The following MAGI2 variants were observed in gnomAD, a reference collection of about 807,000 sequenced individuals.
MAGI2 encodes the protein membrane associated guanylate kinase, WW and PDZ domain containing 2, also known as membrane-associated guanylate kinase, WW and PDZ domain-containing protein 2.
In MAGI2, 35 loss-of-function variants were observed where a neutral mutation model predicts 133.3. That is an observed-to-expected ratio of 0.26 (90% CI 0.20 to 0.35). MAGI2 has a LOEUF of 0.35. Ranked by LOEUF, MAGI2 falls within the 10% of genes least tolerant of loss-of-function variation. The pLI is 1.00. For synonymous variants in MAGI2, 729 were observed against 710.6 expected (o/e 1.03, Z -0.41); for missense variants, 1,636 against 1,863.4 (o/e 0.88, Z 2.25).
chr7:78,308,650 T>G (rs776413921), intron 9 of MAGI2, among the ~76,000 whole-genome samples: 3 of 152,074 alleles, frequency 2.0e-5, no homozygotes, highest in Non-Finnish European at 2.9e-5. Flanking sequence ...GGTGTTCCAT[T>G]ACTATATTCA....
rs188022486 is a variant in MAGI2, at chr7:79,032,287, C to T, written c.302-25081G>A. On this transcript the variant is annotated intron_variant, in intron 1 of 21. Coordinates refer to ENST00000354212, the MANE Select transcript of MAGI2 (RefSeq NM_012301.4). ...ATCCCAGAACTTTGGAAGGCCAAGG[C>T]GGGCAGATCATTTGAGGTCAGGAGT... is the stretch of plus-strand genomic sequence containing the variant. 4.6e-5 allele frequency among the ~76,000 whole-genome samples: 7 copies of T among 152,148 alleles called. No individual in the cohort carries two copies. In the East Asian group the frequency reaches 5.8e-4, roughly 13 times the overall value.
intron 2 of MAGI2, among the ~76,000 whole-genome samples, chr7:78,649,985 T>C (rs1811372147): frequency 1.3e-5 from 2 of 152,176 alleles, no homozygotes; most frequent in Non-Finnish European, 1.5e-5. Context: ...TAAGCAGGCC[T>C]GGGTATGGCC....
chr7:79,376,595 G>A (rs867275743), intron 1 of MAGI2, among the ~76,000 whole-genome samples: 47 of 151,822 alleles, frequency 3.1e-4, no homozygotes, highest in African/African-American at 6.0e-4. Flanking sequence ...GGTGGGTAGC[G>A]TCTACAATGT....
chr7:78,162,586 G>A (rs1825177362), intron 15 of MAGI2, among the ~76,000 whole-genome samples: 1 of 151,880 alleles, frequency 6.6e-6, no homozygotes, highest in Non-Finnish European at 1.5e-5. Flanking sequence ...GTAAAAGGCT[G>A]GGAGTGGCAA....
intron 1 of MAGI2, among the ~76,000 whole-genome samples, chr7:79,222,912 T>G (rs772803426): frequency 6.6e-6 from 1 of 152,018 alleles, no homozygotes; most frequent in Non-Finnish European, 1.5e-5. Context: ...TGAGACGGAG[T>G]CTCACTCTGT....
At chr7:78,977,631 T>G (rs571738051) in intron 2 of MAGI2, among the ~76,000 whole-genome samples, 73 of 151,856 alleles carry the variant, frequency 4.8e-4, no homozygotes, top group Middle Eastern at 3.4e-3. Context: ...TGAACTCTTG[T>G]TTGGTGATGA....
intron 2 of MAGI2, among the ~76,000 whole-genome samples, chr7:78,944,507 T>TC (rs1187686946): frequency 1.3e-5 from 2 of 152,050 alleles, no homozygotes; most frequent in African/African-American, 4.8e-5. Flanking sequence ...GGGTCTGCAT[T>TC]CCCCTCCATA....
chr7:78,467,032 C>T (rs1441765722), intron 6 of MAGI2, among the ~76,000 whole-genome samples: 2 of 152,056 alleles, frequency 1.3e-5, no homozygotes, highest in African/African-American at 4.8e-5. Context: ...TATAAGTATT[C>T]AATTTACAGT....
chr7:78,338,541 G>T (rs75904522), intron 9 of MAGI2, among the ~76,000 whole-genome samples: 3 of 152,044 alleles, frequency 2.0e-5, no homozygotes, highest in African/African-American at 7.2e-5. Flanking sequence ...AGAAACATTT[G>T]TCTCATTTTT....
chr7:78,501,871 A>G (rs1794658227), intron 4 of MAGI2, 84 bp from the exon 5 acceptor site: 1 of 937,388 alleles, frequency 1.1e-6, no homozygotes, highest in African/African-American at 1.6e-5. Context: ...ACCAGGGAAT[A>G]AACGTCATGA....
chr7:79,149,079 G>A (rs914823684), intron 1 of MAGI2, among the ~76,000 whole-genome samples: 9 of 139,512 alleles, frequency 6.5e-5, no homozygotes, highest in African/African-American at 2.4e-4. Flanking sequence ...TATATATATG[G>A]ATATATATTT....
chr7:78,182,601 A>G (rs1323093133), intron 13 of MAGI2, among the ~76,000 whole-genome samples: 1 of 152,140 alleles, frequency 6.6e-6, no homozygotes, highest in Non-Finnish European at 1.5e-5. Context: ...CATTCCTGCC[A>G]GTCTGGTTTA....
At position 78,570,300 on chromosome 7, in the gene MAGI2, T is replaced by C. The variant is rs192337023; in HGVS notation, c.539-48655A>G. On this transcript the variant is annotated intron_variant, in intron 3 of 21. Transcript: ENST00000354212. The stretch of plus-strand genomic sequence containing the variant: ...GGACTCTGCTACCTCTAAGTAGATC[T>C]TGTAAATATGATTGAAACATTAAAA... Among the ~76,000 whole-genome samples, 20 of 152,340 alleles carry C rather than the reference T, an allele frequency of 1.3e-4. No homozygotes were observed. In the East Asian group the frequency reaches 3.9e-3, roughly 29 times the overall value.
chr7:78,094,707 T>C (rs1010642104), intron 20 of MAGI2, among the ~76,000 whole-genome samples: 3 of 152,210 alleles, frequency 2.0e-5, no homozygotes, highest in Non-Finnish European at 4.4e-5. Flanking sequence ...CAATGTGCAA[T>C]TGATTTATTT....
At chr7:78,649,225 A>G (rs1160824203) in intron 2 of MAGI2, among the ~76,000 whole-genome samples, 1 of 76,888 alleles carries the variant, frequency 1.3e-5, no homozygotes, top group Non-Finnish European at 2.6e-5. Context: ...CTTGTGGTAA[A>G]AAAAAAAAAA....
At chr7:78,586,775 G>C (rs1325536601) in intron 3 of MAGI2, among the ~76,000 whole-genome samples, 2 of 152,020 alleles carry the variant, frequency 1.3e-5, no homozygotes, top group Non-Finnish European at 2.9e-5. Flanking sequence ...TCTATATTCT[G>C]TCTATGAATC....
At chr7:79,346,982 A>G (rs1221812589) in intron 1 of MAGI2, among the ~76,000 whole-genome samples, 1 of 151,970 alleles carries the variant, frequency 6.6e-6, no homozygotes, top group African/African-American at 2.4e-5. Context: ...GAACATCCTG[A>G]GTCACTGTTT....
intron 2 of MAGI2, among the ~76,000 whole-genome samples, chr7:78,660,128 G>C (rs1404397259): frequency 2.0e-5 from 3 of 151,490 alleles, no homozygotes; most frequent in Admixed American, 6.6e-5. Context: ...GTTGTGGGGT[G>C]GGGGGAGGTG....
intron 2 of MAGI2, among the ~76,000 whole-genome samples, chr7:78,929,770 CT>C (rs1799973374): frequency 6.6e-6 from 1 of 152,030 alleles, no homozygotes; most frequent in Admixed American, 6.6e-5. Flanking sequence ...CTGCAATTCT[CT>C]TTTTGCCACA....
Sources: allele counts gnomAD v4.1 joint callset (sites outside exome capture counted in the v4.1 genomes callset), GRCh38; gene constraint gnomAD v4.1.1; transcripts MANE v1.5; gene names NCBI Gene and HGNC (gene_info 2026-07-23, HGNC 2026-07-21).